SYT14: variants seen among roughly 807,000 people sequenced by gnomAD.
The protein encoded by SYT14 is synaptotagmin 14.
SYT14 carries 32 observed loss-of-function variants against 74.2 expected under a neutral mutation model. That is an observed-to-expected ratio of 0.43 (90% CI 0.33 to 0.58). The LOEUF is 0.58. SYT14 is among the 20% of genes least tolerant of loss of function. The pLI, the probability that SYT14 is intolerant of heterozygous loss-of-function variation, is 0.05. For missense variants in SYT14, 791 were observed against 981.8 expected, an observed-to-expected ratio of 0.81 and a Z score of 2.60; for synonymous variants, 298 against 337.7, an observed-to-expected ratio of 0.88 and a Z score of 1.29.
chr1:210,147,161 TA>T (rs2083057375), intron 7 of SYT14, among the ~76,000 whole-genome samples: 1 of 149,958 alleles, frequency 6.7e-6, no homozygotes, highest in African/African-American at 2.5e-5. Flanking sequence ...AAAGAAGTAA[TA>T]GAAACTACAA....
exon 1 of SYT14, chr1:209,938,266 T>C (rs768568990): frequency 2.6e-6 from 4 of 1,561,316 alleles, no homozygotes; most frequent in Non-Finnish European, 1.7e-6. Context: ...GAGCGCATCA[T>C]GGCGATTGAA....
intron 2 of SYT14, among the ~76,000 whole-genome samples, chr1:209,999,143 C>T (rs1572136168): frequency 6.6e-6 from 1 of 152,068 alleles, no homozygotes; most frequent in Non-Finnish European, 1.5e-5. Context: ...ATAGACATTT[C>T]TGAAAAGACA....
chr1:210,140,715 A>G (rs1572368625), intron 7 of SYT14, among the ~76,000 whole-genome samples: 1 of 152,056 alleles, frequency 6.6e-6, no homozygotes, highest in South Asian at 2.1e-4. Context: ...ATTCTTTTAC[A>G]TGTGGATATC....
exon 10 of SYT14, chr1:210,163,303 TACATCCCTA>T (rs1413928532): frequency 6.6e-6 from 3 of 453,648 alleles, no homozygotes; most frequent in Non-Finnish European, 1.3e-5. Context: ...TGTGATTTGA[TACATCCCTA>T]GGGATTTATC....
At chr1:209,970,589 A>T (rs1191832150) in intron 2 of SYT14, among the ~76,000 whole-genome samples, 1 of 148,262 alleles carries the variant, frequency 6.7e-6, no homozygotes, top group African/African-American at 2.5e-5. Flanking sequence ...GTTTTTTTCT[A>T]ATTCTGTGAA....
chr1:210,129,719 A>G (rs1389677637), intron 7 of SYT14, among the ~76,000 whole-genome samples: 3 of 152,202 alleles, frequency 2.0e-5, no homozygotes, highest in Non-Finnish European at 2.9e-5. Flanking sequence ...TGCCTTTAGG[A>G]AACTTGAGGT....
chr1:210,020,600 T>C (rs1305778753), intron 4 of SYT14, among the ~76,000 whole-genome samples: 1 of 152,190 alleles, frequency 6.6e-6, no homozygotes, highest in Admixed American at 6.5e-5. Flanking sequence ...AAATGTGTCT[T>C]TTAATGTGAG....
intron 1 of SYT14, among the ~76,000 whole-genome samples, chr1:209,942,262 C>T (rs2078745197): frequency 6.6e-6 from 1 of 151,354 alleles, no homozygotes; most frequent in South Asian, 2.1e-4. Flanking sequence ...GATACTTTCA[C>T]ATGGATGTCC....
intron 2 of SYT14, among the ~76,000 whole-genome samples, chr1:209,969,486 C>CTT (rs35157576): frequency 6.4e-4 from 81 of 127,178 alleles, no homozygotes; most frequent in East Asian, 5.4e-3. Flanking sequence ...TTTTTTCTTT[C>CTT]TTTTTTTTTT....
intron 5 of SYT14, among the ~76,000 whole-genome samples, chr1:210,084,965 A>T (rs940139225): frequency 6.6e-6 from 1 of 152,216 alleles, no homozygotes; most frequent in Non-Finnish European, 1.5e-5. Flanking sequence ...ATGCCGTGTT[A>T]CTGGAGAAAG....
rs1007575423 is a variant in SYT14, at chr1:210,016,020, A to G, written c.17A>G (p.Asn6Ser). 58 of 1,232,094 alleles carry G rather than the reference A, an allele frequency of 4.7e-5. No homozygotes were observed. In the South Asian group the frequency reaches 1.8e-3, roughly 38 times the overall value. 76.3% of individuals were successfully genotyped at this position (1,232,094 alleles called of 1,614,324 possible). ...AATTAGAAAATGGCATTTTTCAGAAATTTCCAACAGAATCTGCCTTCAGTG... is the reference window on the plus strand; with the variant it reads ...AATTAGAAAATGGCATTTTTCAGAAGTTTCCAACAGAATCTGCCTTCAGTG... Residue 6 changes from asparagine to serine, a missense_variant, in exon 4 of 10, where the codon AAT becomes AGT. Physicochemically the swap from Asn to Ser is conservative, Grantham distance 46. Coordinates refer to ENST00000637265, the Ensembl canonical transcript of SYT14.
intron 2 of SYT14, among the ~76,000 whole-genome samples, chr1:209,978,787 T>A (rs897044132): frequency 6.6e-6 from 1 of 152,242 alleles, no homozygotes; most frequent in African/African-American, 2.4e-5. Context: ...TGTTTGGGTA[T>A]TCCCTGCCCC....
chr1:210,104,410 C>T (rs2082123499), intron 7 of SYT14, among the ~76,000 whole-genome samples: 1 of 152,180 alleles, frequency 6.6e-6, no homozygotes, highest in South Asian at 2.1e-4. Context: ...AAATAAGAAT[C>T]GTGAAATAGC....
At chr1:210,137,040 C>T (rs1263823240) in intron 7 of SYT14, among the ~76,000 whole-genome samples, 1 of 152,092 alleles carries the variant, frequency 6.6e-6, no homozygotes, top group East Asian at 1.9e-4. Context: ...CAGACTGAAC[C>T]ACAATCTGCA....
At chr1:210,049,432 C>CTT (rs948416246) in intron 5 of SYT14, among the ~76,000 whole-genome samples, 3 of 133,266 alleles carry the variant, frequency 2.3e-5, no homozygotes, top group South Asian at 4.8e-4. Flanking sequence ...GATTTTTTTT[C>CTT]TTTTTTTTTT....
At chr1:209,981,155 C>T (rs1357848496) in intron 2 of SYT14, among the ~76,000 whole-genome samples, 1 of 152,002 alleles carries the variant, frequency 6.6e-6, no homozygotes, top group Non-Finnish European at 1.5e-5. Context: ...TGAAGAGGTC[C>T]TTCACTTCCC....
At chr1:209,957,190 A>G (rs1160563570) in intron 2 of SYT14, among the ~76,000 whole-genome samples, 1 of 152,122 alleles carries the variant, frequency 6.6e-6, no homozygotes, top group Non-Finnish European at 1.5e-5. Flanking sequence ...CAGATTTAAC[A>G]TGGACTTTCC....
At chr1:210,006,756 C>A (rs943882288) in intron 2 of SYT14, among the ~76,000 whole-genome samples, 1 of 151,646 alleles carries the variant, frequency 6.6e-6, no homozygotes, top group African/African-American at 2.4e-5. Context: ...AATAGTCTTA[C>A]AAAATTTATT....
chr1:210,036,032 C>T (rs938289764), intron 5 of SYT14, among the ~76,000 whole-genome samples: 1 of 151,952 alleles, frequency 6.6e-6, no homozygotes, highest in Non-Finnish European at 1.5e-5. Flanking sequence ...TCTTCCAATC[C>T]CTGAGCATGG....
Sources: gnomAD v4.1 joint callset for allele counts (sites outside exome capture counted in the v4.1 genomes callset) on GRCh38, gnomAD v4.1.1 for gene constraint, MANE v1.5 for transcripts, NCBI Gene and HGNC (gene_info 2026-07-23, HGNC 2026-07-21) for gene names.